C12orf42: variants seen among roughly 807,000 people sequenced by gnomAD.
The protein encoded by C12orf42 is uncharacterized protein C12orf42.
In C12orf42, 25 loss-of-function variants were observed where a neutral mutation model predicts 21.6. The observed-to-expected ratio is 1.16, with a 90% confidence interval of 0.84 to 1.62. The LOEUF (loss-of-function observed/expected upper bound fraction) is 1.62. Among genes scored for constraint, C12orf42 ranks in the 40% most tolerant of loss-of-function variants. The probability of loss-of-function intolerance (pLI) is 0.00; values close to 1 mark genes in which losing one functional copy is unlikely to be tolerated. For synonymous variants in C12orf42, 174 were observed against 175.0 expected (o/e 0.99, Z 0.05); for missense variants, 483 against 459.3 (o/e 1.05, Z -0.47).
At chr12:103,109,999 T>C in the C12orf42 span, among the ~76,000 whole-genome samples, 3 of 151,972 alleles carry the variant, frequency 2.0e-5, no homozygotes, top group African/African-American at 7.2e-5. Context: ...CTCAAGTTTA[T>C]AAAAATAAAA....
At chr12:103,088,682 G>A in the C12orf42 span, among the ~76,000 whole-genome samples, 2 of 152,206 alleles carry the variant, frequency 1.3e-5, no homozygotes, top group Admixed American at 1.3e-4. Flanking sequence ...ATGATAAAGT[G>A]TGACCTCTAA....
the C12orf42 span, among the ~76,000 whole-genome samples, chr12:103,170,009 A>G: frequency 6.6e-6 from 1 of 152,164 alleles, no homozygotes; most frequent in Non-Finnish European, 1.5e-5. Flanking sequence ...AGGAACCAAA[A>G]GCAACAGATC....
intron 5 of C12orf42, among the ~76,000 whole-genome samples, chr12:103,271,806 T>C (rs2035492342): frequency 6.6e-6 from 1 of 152,184 alleles, no homozygotes; most frequent in African/African-American, 2.4e-5. Context: ...ATGGTTTCAT[T>C]TGATTGGCTT....
At chr12:103,367,470 G>GA (rs921345038) in intron 4 of C12orf42, among the ~76,000 whole-genome samples, 14 of 149,160 alleles carry the variant, frequency 9.4e-5, no homozygotes, top group South Asian at 2.1e-4. Flanking sequence ...AATAAAGAAA[G>GA]AAAAAAAAAG....
At chr12:103,500,135 A>G (rs560227572), upstream of C12orf42, among the ~76,000 whole-genome samples, 1 of 152,310 alleles carries the variant, frequency 6.6e-6, no homozygotes, top group East Asian at 1.9e-4. Context: ...AAAGTTTATG[A>G]AAAAACACAA....
intron 4 of C12orf42, among the ~76,000 whole-genome samples, chr12:103,287,382 T>G (rs1048210321): frequency 6.6e-6 from 1 of 152,104 alleles, no homozygotes; most frequent in African/African-American, 2.4e-5. Flanking sequence ...CCATAAAAAA[T>G]GATGAGTTCA....
the C12orf42 span, among the ~76,000 whole-genome samples, chr12:103,091,030 G>C: frequency 6.6e-6 from 1 of 151,478 alleles, no homozygotes; most frequent in African/African-American, 2.4e-5. Flanking sequence ...TTTTTTATGA[G>C]TATTGACATT....
intron 2 of C12orf42, among the ~76,000 whole-genome samples, chr12:103,475,799 G>A (rs763038084): frequency 6.6e-6 from 1 of 152,174 alleles, no homozygotes; most frequent in Non-Finnish European, 1.5e-5. Context: ...AAGGCAATCT[G>A]AATTATCAAA....
At chr12:103,167,119 A>C in the C12orf42 span, among the ~76,000 whole-genome samples, 20 of 152,060 alleles carry the variant, frequency 1.3e-4, no homozygotes, top group Admixed American at 1.2e-3. Context: ...TGACCCTGAT[A>C]GTCTTAGTGG....
the C12orf42 span, among the ~76,000 whole-genome samples, chr12:103,092,155 C>G: frequency 2.7e-4 from 41 of 152,320 alleles, no homozygotes; most frequent in South Asian, 8.5e-3. Context: ...CCTCCAATAT[C>G]TACAGGACTC....
the C12orf42 span, among the ~76,000 whole-genome samples, chr12:103,126,692 G>A: frequency 7.4e-5 from 11 of 149,146 alleles, no homozygotes; most frequent in Non-Finnish European, 1.0e-4. Context: ...ACAATATTAA[G>A]AAAGGTGGTC....
intron 2 of C12orf42, among the ~76,000 whole-genome samples, chr12:103,406,305 G>T (rs1462068931): frequency 6.6e-6 from 1 of 152,180 alleles, no homozygotes; most frequent in Non-Finnish European, 1.5e-5. Context: ...GAACAGCAAG[G>T]TACTGATCTA....
intron 4 of C12orf42, among the ~76,000 whole-genome samples, chr12:103,294,636 G>C (rs1180958958): frequency 1.4e-5 from 2 of 144,190 alleles, no homozygotes; most frequent in African/African-American, 5.3e-5. Context: ...AAGAAAGAAA[G>C]AAGGAAAAGA....
chr12:103,351,825 C>T (rs554704360), intron 4 of C12orf42, among the ~76,000 whole-genome samples: 11 of 152,228 alleles, frequency 7.2e-5, no homozygotes, highest in African/African-American at 2.6e-4. Context: ...ATCTTAATTT[C>T]AGTCTATTGA....
the C12orf42 span, among the ~76,000 whole-genome samples, chr12:103,114,089 C>T: frequency 6.6e-6 from 1 of 152,012 alleles, no homozygotes; most frequent in Non-Finnish European, 1.5e-5. Context: ...TAAAAACTAA[C>T]AAACAACCTT....
the C12orf42 span, chr12:103,550,439 A>G: frequency 5.9e-5 from 9 of 152,052 alleles, no homozygotes; most frequent in East Asian, 1.5e-3. Flanking sequence ...TTTAACATTT[A>G]CTCTTCTCTT....
chr12:103,457,687 CAG>C (rs951051389), intron 2 of C12orf42, among the ~76,000 whole-genome samples: 2 of 152,256 alleles, frequency 1.3e-5, no homozygotes, highest in South Asian at 2.1e-4. Flanking sequence ...GCCATGGTAA[CAG>C]ATGTTCAAAA....
At chr12:103,411,746 G>C (rs1287213920) in intron 2 of C12orf42, among the ~76,000 whole-genome samples, 2 of 152,120 alleles carry the variant, frequency 1.3e-5, no homozygotes, top group East Asian at 3.8e-4. Flanking sequence ...CATCCTCCAG[G>C]ACTACGAGCA....
the C12orf42 span, among the ~76,000 whole-genome samples, chr12:103,075,633 T>A: frequency 1.3e-5 from 2 of 152,190 alleles, no homozygotes; most frequent in African/African-American, 4.8e-5. Context: ...TACTATTCCA[T>A]TGGAATTGTA....
Sources: allele counts gnomAD v4.1 joint callset (sites outside exome capture counted in the v4.1 genomes callset), GRCh38; gene constraint gnomAD v4.1.1; transcripts MANE v1.5; gene names NCBI Gene and HGNC (gene_info 2026-07-23, HGNC 2026-07-21).